TSNARE1: variants seen among roughly 807,000 people sequenced by gnomAD.
TSNARE1 encodes t-SNARE domain containing 1, also known as t-SNARE domain-containing protein 1.
Under a neutral mutation model 62.0 loss-of-function variants are expected in TSNARE1, and 49 were observed. That is an observed-to-expected ratio of 0.79 (90% CI 0.63 to 1.00). The LOEUF is 1.00. TSNARE1 is among the 50% of genes least tolerant of loss of function. The pLI, the probability that TSNARE1 is intolerant of heterozygous loss-of-function variation, is 0.00. For missense variants in TSNARE1, 755 were observed against 700.1 expected (o/e 1.08, Z -0.88); for synonymous variants, 328 against 294.4 (o/e 1.11, Z -1.17).
At chr8:142,368,556 G>A (rs549848177) in intron 1 of TSNARE1, among the ~76,000 whole-genome samples, 30 of 152,292 alleles carry the variant, frequency 2.0e-4, no homozygotes, top group Middle Eastern at 3.4e-3. Flanking sequence ...GGGAGCACTG[G>A]TCTCTGCAGC....
intron 1 of TSNARE1, among the ~76,000 whole-genome samples, chr8:142,398,296 C>G (rs1403963702): frequency 6.6e-6 from 1 of 150,492 alleles, no homozygotes; most frequent in Non-Finnish European, 1.5e-5. Flanking sequence ...AACATGTCCC[C>G]AGCCCTGCCC....
intron 6 of TSNARE1, among the ~76,000 whole-genome samples, chr8:142,328,084 G>A (rs1563922086): frequency 6.9e-6 from 1 of 145,696 alleles, no homozygotes; most frequent in Non-Finnish European, 1.5e-5. Flanking sequence ...CTGTGCCACT[G>A]TGGAAAGTAA....
chr8:142,360,379 G>A (rs932108680), intron 1 of TSNARE1, among the ~76,000 whole-genome samples: 7 of 152,170 alleles, frequency 4.6e-5, no homozygotes, highest in African/African-American at 1.2e-4. Flanking sequence ...GGCCAGGGCC[G>A]CAGAAGCCAT....
At chr8:142,213,967 C>T (rs886424416) in intron 13 of TSNARE1, among the ~76,000 whole-genome samples, 2 of 152,296 alleles carry the variant, frequency 1.3e-5, no homozygotes, top group African/African-American at 2.4e-5. Context: ...CCAGCCCCCC[C>T]GGGAAGCCCT....
intron 11 of TSNARE1, chr8:142,277,319 C>T (rs1308230846): frequency 8.1e-6 from 8 of 985,286 alleles, no homozygotes; most frequent in Non-Finnish European, 6.0e-6. Flanking sequence ...CCCAGACACT[C>T]GCAGAGCAGC....
intron 1 of TSNARE1, among the ~76,000 whole-genome samples, chr8:142,380,167 T>G (rs993379580): frequency 3.3e-5 from 5 of 152,146 alleles, no homozygotes; most frequent in African/African-American, 1.2e-4. Context: ...ACTGAACTCA[T>G]TCCCACCTCC....
At chr8:142,393,643 C>G (rs1279941109) in intron 1 of TSNARE1, among the ~76,000 whole-genome samples, 1 of 152,252 alleles carries the variant, frequency 6.6e-6, no homozygotes, top group Admixed American at 6.5e-5. Context: ...CCTGGTCTGA[C>G]TCCCCGAGCA....
At chr8:142,375,106 T>C (rs1314276091) in intron 1 of TSNARE1, among the ~76,000 whole-genome samples, 3 of 152,074 alleles carry the variant, frequency 2.0e-5, no homozygotes, top group East Asian at 3.9e-4. Context: ...CACACAGGGG[T>C]GGCCCCATTG....
intron 12 of TSNARE1, among the ~76,000 whole-genome samples, chr8:142,249,314 G>C (rs1404414438): frequency 6.6e-6 from 1 of 152,216 alleles, no homozygotes; most frequent in Non-Finnish European, 1.5e-5. Context: ...GCAGAGGGTG[G>C]GCTGGGCAGC....
intron 11 of TSNARE1, among the ~76,000 whole-genome samples, chr8:142,283,589 G>A (rs1563825601): frequency 7.3e-6 from 1 of 137,750 alleles, no homozygotes; most frequent in South Asian, 2.4e-4. Context: ...AATGAGCAGA[G>A]GCGGGGTTAG....
At chr8:142,272,769 G>A (rs1819811578) in intron 12 of TSNARE1, 2 of 974,854 alleles carry the variant, frequency 2.1e-6, no homozygotes, top group East Asian at 1.1e-4. Flanking sequence ...CTACGCAGAG[G>A]CGACTTCACA....
rs543023064 is a variant in TSNARE1, at chr8:142,380,897, G to GA, written c.-40+22206_-40+22207insT. Among the ~76,000 whole-genome samples, 1,050 of 152,120 alleles carry GA rather than the reference G, an allele frequency of 6.9e-3. 11 individuals are homozygous for GA. The highest frequency in any genetic ancestry group is 0.024 in the African/African-American group (989 of 41,482). On this transcript the variant is annotated intron_variant, in intron 1 of 13. Transcript: ENST00000524325. The stretch of plus-strand genomic sequence containing the variant: ...CCTTTTAAGAAATAATAAAGGGGGG[G>GA]GAATGCTGCAAAATCTTCCATTGCC...
rs1429100156 is a variant in TSNARE1, at chr8:142,377,641, C to G, written c.-39-22878G>C. On this transcript the variant is annotated intron_variant, in intron 1 of 13. Transcript: ENST00000524325. Reference sequence around the variant, plus strand: ...ACCTGCCATCGGGTTAGTGCTGGTGCATAACTGGGGGAACGGCAGGGACCC... The same window carrying G: ...ACCTGCCATCGGGTTAGTGCTGGTGGATAACTGGGGGAACGGCAGGGACCC... Among the ~76,000 whole-genome samples the G allele has an allele frequency of 2.0e-5, 3 of 152,140 alleles. No individual in the cohort carries two copies. The East Asian group carries it at 5.8e-4, about 29-fold the overall frequency.
intron 1 of TSNARE1, among the ~76,000 whole-genome samples, chr8:142,371,657 G>A (rs1375285453): frequency 6.6e-6 from 1 of 152,140 alleles, no homozygotes; most frequent in African/African-American, 2.4e-5. Context: ...GAAACACTCT[G>A]TTTCTGTATC....
intron 9 of TSNARE1, among the ~76,000 whole-genome samples, chr8:142,307,815 G>A (rs142309534): frequency 1.3e-5 from 2 of 152,268 alleles, no homozygotes; most frequent in East Asian, 3.9e-4. Flanking sequence ...CCAAAGTGGT[G>A]ATGCAAAGGC....
Position 142,288,211 on chromosome 8 carries a change from G to A in TSNARE1, c.1291-3726C>T, listed in dbSNP as rs1478797675. 5.3e-5 allele frequency among the ~76,000 whole-genome samples: 8 copies of A among 152,358 alleles called. No individual in the cohort carries two copies. In the South Asian group the frequency reaches 1.2e-3, roughly 24 times the overall value. On this transcript the variant is annotated intron_variant, in intron 10 of 13. Coordinates refer to ENST00000524325, the MANE Select transcript of TSNARE1 (RefSeq NM_145003.5). ...CTTTCAGGGGCCTGGGACGCCCAGC[G>A]GCTGGGGCGGGGTGGAAGAGGGGCA...
chr8:142,283,091 A>G (rs1821932784), intron 11 of TSNARE1, among the ~76,000 whole-genome samples: 1 of 148,452 alleles, frequency 6.7e-6, no homozygotes, highest in Non-Finnish European at 1.5e-5. Context: ...GTGTCTATCA[A>G]TGAGCAGAGG....
chr8:142,313,576 T>C (rs1828008514), intron 9 of TSNARE1, among the ~76,000 whole-genome samples: 1 of 152,230 alleles, frequency 6.6e-6, no homozygotes. Flanking sequence ...TGCGCATCTG[T>C]GTTTATCTGC....
chr8:142,288,351 C>T (rs1461404860), intron 10 of TSNARE1, among the ~76,000 whole-genome samples: 4 of 152,260 alleles, frequency 2.6e-5, no homozygotes, highest in African/African-American at 9.6e-5. Context: ...ACCCCAAAAG[C>T]GCGGGCTGGG....
Sources: allele counts gnomAD v4.1 joint callset (sites outside exome capture counted in the v4.1 genomes callset), GRCh38; gene constraint gnomAD v4.1.1; transcripts MANE v1.5; gene names NCBI Gene and HGNC (gene_info 2026-07-23, HGNC 2026-07-21).